The following SLCO5A1 variants were observed in gnomAD, a reference collection of about 807,000 sequenced individuals.
SLCO5A1 encodes the protein organic anion transporter polypeptide-related protein 4.
A neutral mutation model predicts 65.1 loss-of-function variants in SLCO5A1; 39 were observed. The observed-to-expected ratio is 0.60, with a 90% CI of 0.46 to 0.78. The LOEUF is 0.78. SLCO5A1 is among the 30% of genes least tolerant of loss of function. The probability of loss-of-function intolerance (pLI) is 0.00; values close to 1 mark genes in which losing one functional copy is unlikely to be tolerated. For missense variants in SLCO5A1, 1,029 were observed against 1,069.4 expected (o/e 0.96, Z 0.53); for synonymous variants, 438 against 415.7 (o/e 1.05, Z -0.65).
intron 2 of SLCO5A1, among the ~76,000 whole-genome samples, chr8:69,820,675 AT>A (rs939195546): frequency 1.2e-3 from 179 of 152,254 alleles, no homozygotes; most frequent in African/African-American, 4.1e-3. Flanking sequence ...CTACAAAAAA[AT>A]ATATTTAAAA....
intron 2 of SLCO5A1, among the ~76,000 whole-genome samples, chr8:69,801,926 T>G (rs1242054443): frequency 6.6e-6 from 1 of 152,206 alleles, no homozygotes; most frequent in Non-Finnish European, 1.5e-5. Context: ...CCAAACTCTG[T>G]GTTCCTTCCA....
chr8:69,790,456 C>G (rs982768248), intron 2 of SLCO5A1, among the ~76,000 whole-genome samples: 1 of 151,916 alleles, frequency 6.6e-6, no homozygotes, highest in Non-Finnish European at 1.5e-5. Context: ...CACTTAATAT[C>G]CCTAATAAAT....
chr8:69,726,738 T>C (rs1489357209), intron 5 of SLCO5A1, among the ~76,000 whole-genome samples: 2 of 152,126 alleles, frequency 1.3e-5, no homozygotes, highest in Non-Finnish European at 2.9e-5. Flanking sequence ...TGGCCACAAG[T>C]GATCTGCCCG....
At chr8:69,679,688 C>T in intron 7 of SLCO5A1, 69 bp from the exon 8 acceptor site, 5 of 1,571,876 alleles carry the variant, frequency 3.2e-6, no homozygotes, top group South Asian at 1.2e-5. Flanking sequence ...AATATTAAGA[C>T]AAAGTTAAGT....
At chr8:69,687,153 A>C (rs1255851178) in intron 6 of SLCO5A1, among the ~76,000 whole-genome samples, 1 of 152,246 alleles carries the variant, frequency 6.6e-6, no homozygotes, top group African/African-American at 2.4e-5. Flanking sequence ...AGGATAAAAT[A>C]GCTTTTAAAT....
chr8:69,817,115 T>C (rs992303628), intron 2 of SLCO5A1, among the ~76,000 whole-genome samples: 3 of 152,178 alleles, frequency 2.0e-5, no homozygotes, highest in Admixed American at 2.0e-4. Flanking sequence ...TTTGCTAAAG[T>C]ATTAATAGAG....
At chr8:69,710,201 T>C (rs1815175611) in intron 5 of SLCO5A1, among the ~76,000 whole-genome samples, 1 of 152,036 alleles carries the variant, frequency 6.6e-6, no homozygotes, top group South Asian at 2.1e-4. Flanking sequence ...GTATTTTTAG[T>C]AGAGATGGCG....
In SLCO5A1 at chr8:69,772,810, C is replaced by T. The variant is rs547990231; in HGVS notation, c.908-10935G>A. On this transcript the variant is annotated intron_variant, in intron 2 of 9. Coordinates refer to ENST00000260126, the MANE Select transcript of SLCO5A1 (RefSeq NM_030958.3). ...TTATGCCCTAAAAGGTCAGAGATCA[C>T]CCACTCATCCATGCACTCTGTGATG... The T allele has an allele frequency of 4.9e-5, 21 of 426,212 alleles. 1 individual carries two copies. The South Asian group carries it at 1.7e-3, about 34-fold the overall frequency. The allele number at this position is 426,212 out of a possible 1,614,324, so 26.4% of individuals were successfully genotyped here.
At chr8:69,829,819 T>A (rs1821083479) in intron 2 of SLCO5A1, among the ~76,000 whole-genome samples, 2 of 152,224 alleles carry the variant, frequency 1.3e-5, no homozygotes, top group African/African-American at 4.8e-5. Context: ...ATACCCTCAT[T>A]TTTAGAAGAT....
intron 6 of SLCO5A1, among the ~76,000 whole-genome samples, chr8:69,692,084 T>C (rs962091548): frequency 6.6e-6 from 1 of 152,092 alleles, no homozygotes; most frequent in South Asian, 2.1e-4. Context: ...CTGTCTCTGC[T>C]AAAAATACAA....
At chr8:69,823,488 A>T (rs1266537419) in intron 2 of SLCO5A1, among the ~76,000 whole-genome samples, 2 of 152,210 alleles carry the variant, frequency 1.3e-5, no homozygotes, top group East Asian at 3.8e-4. Flanking sequence ...AGTCTCTGAT[A>T]AAACAGACTT....
chr8:69,791,890 T>A (rs765874137), intron 2 of SLCO5A1, among the ~76,000 whole-genome samples: 40 of 152,234 alleles, frequency 2.6e-4, no homozygotes, highest in Non-Finnish European at 5.6e-4. Flanking sequence ...GCTCAGACTA[T>A]CAGGATAAAC....
In SLCO5A1 at chr8:69,673,070, C is replaced by G. The variant is rs1164888499; in HGVS notation, c.2346G>C (p.Glu782Asp). 6.2e-7 allele frequency: 1 copy of G among 1,614,148 alleles called. No homozygotes were observed. The highest frequency in any genetic ancestry group is 1.1e-5 in the South Asian group (1 of 91,088). Residue 782 changes from glutamate (E) to aspartate (D), a missense_variant, in exon 10 of 10, where the codon GAG (glutamate) becomes GAC (aspartate). Glu to Asp is a conservative substitution (Grantham distance 45). Transcript: ENST00000260126. ...GGGCATTGTCGGGGTGTCCCACTCTCTCACTCACGGTGCTCAGGGGAAATT... is the reference window on the plus strand; with the variant it reads ...GGGCATTGTCGGGGTGTCCCACTCTGTCACTCACGGTGCTCAGGGGAAATT... ...QREFPLSTVS[E>D]RVGHPDNART...
At chr8:69,753,113 T>C (rs953791767) in intron 4 of SLCO5A1, among the ~76,000 whole-genome samples, 1 of 152,168 alleles carries the variant, frequency 6.6e-6, no homozygotes, top group Non-Finnish European at 1.5e-5. Context: ...AAGTATGGGT[T>C]CCCCAGGAGA....
chr8:69,823,161 G>A (rs1350514082), intron 2 of SLCO5A1, among the ~76,000 whole-genome samples: 1 of 151,946 alleles, frequency 6.6e-6, no homozygotes, highest in Non-Finnish European at 1.5e-5. Flanking sequence ...TTATATGTAA[G>A]ATATAATTAC....
intron 2 of SLCO5A1, among the ~76,000 whole-genome samples, chr8:69,820,769 C>A (rs1445606486): frequency 1.3e-5 from 2 of 152,120 alleles, no homozygotes; most frequent in African/African-American, 4.8e-5. Flanking sequence ...CAAAATATAT[C>A]TATGCATATA....
chr8:69,736,149 G>A (rs1443198560), intron 5 of SLCO5A1, among the ~76,000 whole-genome samples: 1 of 152,214 alleles, frequency 6.6e-6, no homozygotes, highest in African/African-American at 2.4e-5. Context: ...ATTGGAGCAT[G>A]GGATGAACAC....
intron 4 of SLCO5A1, among the ~76,000 whole-genome samples, chr8:69,753,462 G>C (rs759635861): frequency 1.3e-5 from 2 of 152,304 alleles, no homozygotes; most frequent in Non-Finnish European, 2.9e-5. Flanking sequence ...CATGAAAACA[G>C]TAGGGTCCAA....
chr8:69,802,682 G>A (rs955746346), intron 2 of SLCO5A1, among the ~76,000 whole-genome samples: 2 of 151,996 alleles, frequency 1.3e-5, no homozygotes, highest in Non-Finnish European at 2.9e-5. Flanking sequence ...TTCCTGCTGA[G>A]GCTCCAACAC....
Sources: gnomAD v4.1 joint callset for allele counts (sites outside exome capture counted in the v4.1 genomes callset) on GRCh38, gnomAD v4.1.1 for gene constraint, MANE v1.5 for transcripts, NCBI Gene and HGNC (gene_info 2026-07-23, HGNC 2026-07-21) for gene names.